The following SIL1 variants were observed in gnomAD, a reference collection of about 807,000 sequenced individuals.
SIL1 encodes SIL1 nucleotide exchange factor.
SIL1 carries 40 observed loss-of-function variants against 49.1 expected under a neutral mutation model. The ratio of observed to expected loss-of-function variants is 0.81; its 90% confidence interval spans 0.63 to 1.06. SIL1 has a LOEUF of 1.06. SIL1 is among the 50% of genes least tolerant of loss of function. The probability of loss-of-function intolerance (pLI) is 0.00; values close to 1 mark genes in which losing one functional copy is unlikely to be tolerated. For synonymous variants in SIL1, 253 were observed against 250.8 expected (o/e 1.01, Z -0.08); for missense variants, 500 against 572.6 (o/e 0.87, Z 1.29).
chr5:139,080,599 A>G (rs971997144), intron 3 of SIL1, among the ~76,000 whole-genome samples: 21 of 152,220 alleles, frequency 1.4e-4, no homozygotes, highest in African/African-American at 4.8e-4. Flanking sequence ...TTCAGGGTCT[A>G]TTACATAAGG....
At chr5:139,018,197 T>G (rs1768440989) in intron 7 of SIL1, among the ~76,000 whole-genome samples, 1 of 152,188 alleles carries the variant, frequency 6.6e-6, no homozygotes, top group Non-Finnish European at 1.5e-5. Flanking sequence ...TGCTTCATGT[T>G]TAACACCAGG....
chr5:139,153,778 CCA>C (rs1178805045), intron 1 of SIL1, among the ~76,000 whole-genome samples: 1 of 152,210 alleles, frequency 6.6e-6, no homozygotes, highest in African/African-American at 2.4e-5. Flanking sequence ...CAAATAATCA[CCA>C]CATAGTATGA....
chr5:139,001,895 C>T (rs1390628449), intron 7 of SIL1, among the ~76,000 whole-genome samples: 1 of 149,406 alleles, frequency 6.7e-6, no homozygotes, highest in Non-Finnish European at 1.5e-5. Flanking sequence ...CAAAGTGAGA[C>T]TCCGTCTAAA....
At chr5:139,016,159 GA>G (rs1269552752) in intron 7 of SIL1, among the ~76,000 whole-genome samples, 5 of 152,088 alleles carry the variant, frequency 3.3e-5, no homozygotes, top group African/African-American at 1.2e-4. Flanking sequence ...AACAATAGTA[GA>G]AATTAAAATC....
chr5:139,000,435 A>G (rs997887837), intron 7 of SIL1, among the ~76,000 whole-genome samples: 3 of 152,346 alleles, frequency 2.0e-5, no homozygotes, highest in Non-Finnish European at 4.4e-5. Context: ...CCAATGGATC[A>G]GAATACAAAC....
At chr5:139,167,686 A>G (rs765091019) in intron 1 of SIL1, among the ~76,000 whole-genome samples, 1 of 152,236 alleles carries the variant, frequency 6.6e-6, no homozygotes, top group Non-Finnish European at 1.5e-5. Context: ...TTATAAATGT[A>G]GCGTAGCCTA....
intron 3 of SIL1, among the ~76,000 whole-genome samples, chr5:139,074,761 A>G (rs1344329998): frequency 2.0e-5 from 3 of 152,188 alleles, no homozygotes; most frequent in African/African-American, 4.8e-5. Flanking sequence ...TTTTTAAAAT[A>G]GGAATCATTT....
At chr5:139,130,680 A>G (rs527781663) in intron 1 of SIL1, among the ~76,000 whole-genome samples, 63 of 152,336 alleles carry the variant, frequency 4.1e-4, no homozygotes, top group African/African-American at 1.4e-3. Context: ...ATGTACATCA[A>G]TGTTCATTGC....
chr5:139,013,166 C>T (rs1015181184), intron 7 of SIL1, among the ~76,000 whole-genome samples: 1 of 152,236 alleles, frequency 6.6e-6, no homozygotes, highest in South Asian at 2.1e-4. Flanking sequence ...TATCACCTGT[C>T]CCCAATATTT....
intron 1 of SIL1, among the ~76,000 whole-genome samples, chr5:139,133,977 G>A (rs184786202): frequency 5.5e-4 from 84 of 151,760 alleles, no homozygotes; most frequent in Non-Finnish European, 9.7e-4. Flanking sequence ...AACTTCACTA[G>A]GCCTCAGTTT....
intron 3 of SIL1, among the ~76,000 whole-genome samples, chr5:139,089,421 G>A (rs565479713): frequency 2.0e-5 from 3 of 152,226 alleles, no homozygotes; most frequent in East Asian, 3.9e-4. Context: ...CAAACAGATG[G>A]AGTCCACCTT....
chr5:139,043,749 A>C (rs1769095108), intron 4 of SIL1, among the ~76,000 whole-genome samples: 2 of 152,230 alleles, frequency 1.3e-5, no homozygotes, highest in Non-Finnish European at 2.9e-5. Flanking sequence ...GACATCCATC[A>C]TGTGGGAGCA....
chr5:139,107,576 C>T (rs544977981), intron 3 of SIL1, among the ~76,000 whole-genome samples: 1 of 152,286 alleles, frequency 6.6e-6, no homozygotes, highest in Middle Eastern at 3.4e-3. Context: ...CTCTCTTGCA[C>T]AGTCTAATCC....
chr5:139,163,193 T>C (rs1039979164), intron 1 of SIL1, among the ~76,000 whole-genome samples: 1 of 151,886 alleles, frequency 6.6e-6, no homozygotes, highest in African/African-American at 2.4e-5. Flanking sequence ...TGATTCTAAG[T>C]ATGATGGTGA....
rs541992240 is a variant in SIL1, at chr5:138,974,841, G to A, written c.768-22957C>T. On this transcript the variant is annotated intron_variant, in intron 7 of 9. Coordinates refer to ENST00000394817, the MANE Select transcript of SIL1 (RefSeq NM_022464.5). ...CAATGTGCTGTGTTCTGTGCTATGA[G>A]CTTCATGTGTATCATCCTACATTAT... Among the ~76,000 whole-genome samples, 3 of 152,290 alleles carry A rather than the reference G, an allele frequency of 2.0e-5. No individual in the cohort carries two copies. The South Asian group carries it at 6.2e-4, about 32-fold the overall frequency.
At chr5:139,005,055 T>A (rs1408076654) in intron 7 of SIL1, among the ~76,000 whole-genome samples, 2 of 152,172 alleles carry the variant, frequency 1.3e-5, no homozygotes, top group African/African-American at 4.8e-5. Context: ...GTCCAAGATA[T>A]CTATCATATA....
At chr5:139,003,621 T>C (rs1768042253) in intron 7 of SIL1, among the ~76,000 whole-genome samples, 1 of 152,198 alleles carries the variant, frequency 6.6e-6, no homozygotes, top group African/African-American at 2.4e-5. Flanking sequence ...AGATGATGTC[T>C]CCTGTATCAT....
intron 7 of SIL1, among the ~76,000 whole-genome samples, chr5:139,000,327 G>A (rs555944465): frequency 1.3e-5 from 2 of 152,108 alleles, no homozygotes; most frequent in Non-Finnish European, 2.9e-5. Flanking sequence ...TTTTAAACAT[G>A]AATAAGGATG....
At chr5:139,155,477 G>GAGAGAGAGAGAGAGAGAGAGAGAGAGAC in intron 1 of SIL1, 1 of 151,554 alleles carries the variant, frequency 6.6e-6, no homozygotes. Context: ...GAGAGAGAGA[G>GAGAGAGAGAGAGAGAGAGAGAGAGAGAC]AACGAGCTCT....
Sources: allele counts gnomAD v4.1 joint callset (sites outside exome capture counted in the v4.1 genomes callset), GRCh38; gene constraint gnomAD v4.1.1; transcripts MANE v1.5; gene names NCBI Gene and HGNC (gene_info 2026-07-23, HGNC 2026-07-21).